Variants in CCDC197 observed in about 807,000 individuals in gnomAD.
The protein encoded by CCDC197 is uncharacterized protein CCDC197.
In CCDC197, 24 loss-of-function variants were observed where a neutral mutation model predicts 13.4. The observed-to-expected ratio is 1.80, with a 90% CI of 1.30 to 2.53. CCDC197 has a LOEUF of 2.53. CCDC197 is among the 30% of genes most tolerant of loss of function. The pLI is 0.00. For synonymous variants in CCDC197, 99 were observed against 55.5 expected, an observed-to-expected ratio of 1.78 and a Z score of -3.48; for missense variants, 255 against 148.8, an observed-to-expected ratio of 1.71 and a Z score of -3.71.
upstream of CCDC197, among the ~76,000 whole-genome samples, chr14:93,995,613 G>C (rs946781224): frequency 1.3e-5 from 2 of 152,198 alleles, no homozygotes; most frequent in Non-Finnish European, 2.9e-5. Flanking sequence ...GTCAAGCCAA[G>C]GGGTGGGCAC....
At chr14:94,001,816 A>AAG (rs1349519830) in intron 4 of CCDC197, 1 of 152,952 alleles carries the variant, frequency 6.5e-6, no homozygotes, top group African/African-American at 2.4e-5. Context: ...CTCCAGGTGG[A>AAG]AGAGCCTGCC....
Position 93,999,733 on chromosome 14 carries a change from AC to A in CCDC197, c.187+70del. On this transcript the variant is annotated intron_variant, in intron 3 of 6. Coordinates refer to ENST00000636493, the MANE Select transcript of CCDC197 (RefSeq NM_001351596.2). ...CACCTACTGGCTGCAGGACTGCGAC[AC>A]CGTGTGTGGCCTCATGGAGCCACGA... The A allele has an allele frequency of 7.8e-6, 6 of 771,100 alleles. No homozygotes were observed. The South Asian group carries it at 8.2e-5, about 10-fold the overall frequency. 47.8% of individuals were successfully genotyped at this position (771,100 alleles called of 1,614,324 possible). A position where few individuals can be genotyped will look rare whatever the true frequency, so the allele number is the denominator to read the frequency against.
At chr14:94,005,942 T>C (rs1446737186) in intron 6 of CCDC197, among the ~76,000 whole-genome samples, 4 of 152,232 alleles carry the variant, frequency 2.6e-5, no homozygotes, top group African/African-American at 4.8e-5. Flanking sequence ...TTAGGTATTA[T>C]GAATATTACT....
upstream of CCDC197, among the ~76,000 whole-genome samples, chr14:93,994,082 G>T (rs75490984): frequency 2.7e-3 from 413 of 152,282 alleles, no homozygotes; most frequent in African/African-American, 9.0e-3. Flanking sequence ...GTGAAGAGGG[G>T]TCTGAGGCAG....
chr14:94,003,146 C>T lies in CCDC197; in HGVS notation c.367-77C>T, dbSNP rs1439865437. The stretch of plus-strand genomic sequence containing the variant: ...TCCTCCTATCCTGTCATTGCACAGA[C>T]CACCCTGGGGACTCAGACCAGGGCA... On this transcript the variant is annotated intron_variant, in intron 4 of 6. Transcript: ENST00000636493. The surrounding 1 kb of genome is among the most constrained non-coding windows in gnomAD (Gnocchi z 5.0). 1.4e-5 allele frequency: 10 copies of T among 713,858 alleles called. No individual in the cohort carries two copies. Among genetic ancestry groups the T allele is most frequent in the Non-Finnish European group, 2.6e-5 (10 of 385,082 alleles). The allele number at this position is 713,858 out of a possible 1,614,324, so 44.2% of individuals were successfully genotyped here.
rs188780559 is a variant in CCDC197, at chr14:94,001,031, T to C, written c.188-114T>C. The stretch of plus-strand genomic sequence containing the variant: ...ACTGTCTGGGGTCATCCTACTGTCA[T>C]GGACTGTCTGGCACCTCTCAATTTT... On this transcript the variant is annotated intron_variant, in intron 3 of 6. Transcript: ENST00000636493. 272 of 614,960 alleles carry C rather than the reference T, an allele frequency of 4.4e-4. 5 individuals are homozygous for C. In the East Asian group the frequency reaches 7.5e-3, roughly 17 times the overall value. The allele number at this position is 614,960 out of a possible 1,614,324, so 38.1% of individuals were successfully genotyped here. A position where few individuals can be genotyped will look rare whatever the true frequency, so the allele number is the denominator to read the frequency against.
chr14:94,002,864 A>C (rs1459848773), intron 4 of CCDC197, among the ~76,000 whole-genome samples: 1 of 150,812 alleles, frequency 6.6e-6, no homozygotes, highest in Non-Finnish European at 1.5e-5. Context: ...AAAAAAAAAA[A>C]AAACAAAATT....
rs1890610399 is a variant in CCDC197 at position 94,003,935 on chromosome 14, T to C, written c.498+581T>C. On this transcript the variant is annotated intron_variant, in intron 5 of 6. Transcript: ENST00000636493. This position sits in a 1 kb window ranked among gnomAD's most constrained non-coding sequence, Gnocchi z 5.0. Reference sequence around the variant, plus strand: ...CTTGTATAATGTTTGTGGTTAATAATAAGATAACGGTGTTTAAGTGAGTGG... The same window carrying C: ...CTTGTATAATGTTTGTGGTTAATAACAAGATAACGGTGTTTAAGTGAGTGG... 6.6e-6 allele frequency among the ~76,000 whole-genome samples: 1 copy of C among 152,196 alleles called. No individual in the cohort carries two copies. Among genetic ancestry groups the C allele is most frequent in the South Asian group, 2.1e-4 (1 of 4,828 alleles).
chr14:94,008,999 G>T (rs984402412), downstream of CCDC197: 2 of 549,218 alleles, frequency 3.6e-6, no homozygotes, highest in Non-Finnish European at 3.3e-6. Context: ...CAGGGATCCA[G>T]GTAAGGCCTG....
chr14:93,994,529 G>A (rs1890252491), upstream of CCDC197, among the ~76,000 whole-genome samples: 1 of 152,210 alleles, frequency 6.6e-6, no homozygotes, highest in Admixed American at 6.5e-5. Context: ...TTAGGGGCCT[G>A]GGTGGGAGAA....
In CCDC197 at chr14:94,003,973, G is replaced by A. The variant is rs1228347621; in HGVS notation, c.498+619G>A. Among the ~76,000 whole-genome samples the A allele has an allele frequency of 6.6e-6, 1 of 152,242 alleles. No individual in the cohort carries two copies. Among genetic ancestry groups the A allele is most frequent in the Non-Finnish European group, 1.5e-5 (1 of 68,038 alleles). ...TTTAAGTGAGTGGTTGTTATGTACT[G>A]TCTTCAGTAAGGCTGGTGTCTCTCT... On this transcript the variant is annotated intron_variant, in intron 5 of 6. Coordinates refer to ENST00000636493, the MANE Select transcript of CCDC197 (RefSeq NM_001351596.2). This position sits in a 1 kb window ranked among gnomAD's most constrained non-coding sequence, Gnocchi z 5.0.
At chr14:93,992,651 C>G (rs902133212), upstream of CCDC197, among the ~76,000 whole-genome samples, 2 of 152,176 alleles carry the variant, frequency 1.3e-5, no homozygotes, top group Non-Finnish European at 2.9e-5. Flanking sequence ...TCATAGACAC[C>G]GGAAGGCCCA....
upstream of CCDC197, among the ~76,000 whole-genome samples, chr14:93,992,773 G>T (rs1023780681): frequency 6.6e-6 from 1 of 152,212 alleles, no homozygotes; most frequent in Non-Finnish European, 1.5e-5. Context: ...CCTAGGACCT[G>T]CTTGGGTGAT....
At chr14:93,989,796 G>T (rs1220229272) in intron 1 of CCDC197, among the ~76,000 whole-genome samples, 1 of 152,122 alleles carries the variant, frequency 6.6e-6, no homozygotes, top group African/African-American at 2.4e-5. Flanking sequence ...TTTTCTTTGG[G>T]TCCCATTAGG....
upstream of CCDC197, among the ~76,000 whole-genome samples, chr14:93,994,170 G>C (rs1890248413): frequency 6.6e-6 from 1 of 152,286 alleles, no homozygotes; most frequent in African/African-American, 2.4e-5. Context: ...CCCAGCGTGG[G>C]TCGTATGCAG....
At chr14:94,001,528 C>G (rs1890509105) in intron 4 of CCDC197, 1 of 490,852 alleles carries the variant, frequency 2.0e-6, no homozygotes, top group Non-Finnish European at 3.6e-6. Context: ...TCGTGCCTAA[C>G]GTTGTTCTGC....
chr14:94,011,190 C>T (rs1890801635), downstream of CCDC197, among the ~76,000 whole-genome samples: 1 of 152,300 alleles, frequency 6.6e-6, no homozygotes, highest in Admixed American at 6.5e-5. Context: ...CCTGTCTGAC[C>T]TCCCGGGAGG....
At chr14:93,999,098 C>A (rs2141356191) in intron 2 of CCDC197, among the ~76,000 whole-genome samples, 1 of 152,338 alleles carries the variant, frequency 6.6e-6, no homozygotes, top group Admixed American at 6.5e-5. Context: ...GCTGGTGGGG[C>A]CCCCACCTCT....
intron 4 of CCDC197, chr14:94,001,541 G>A: frequency 2.1e-6 from 1 of 472,742 alleles, no homozygotes; most frequent in Non-Finnish European, 3.8e-6. Context: ...TGTTCTGCGT[G>A]GTAGAAAAGC....
Sources: allele counts gnomAD v4.1 joint callset (sites outside exome capture counted in the v4.1 genomes callset), GRCh38; gene constraint gnomAD v4.1.1; non-coding constraint Gnocchi (gnomAD v3.1); transcripts MANE v1.5; gene names NCBI Gene and HGNC (gene_info 2026-07-23, HGNC 2026-07-21).